DGKB: variants seen among roughly 807,000 people sequenced by gnomAD.
DGKB encodes diacylglycerol kinase beta, also known as 90 kDa diacylglycerol kinase.
A neutral mutation model predicts 114.3 loss-of-function variants in DGKB; 67 were observed. The ratio of observed to expected loss-of-function variants is 0.59; its 90% CI spans 0.48 to 0.72. The LOEUF is 0.72. Among genes scored for constraint, DGKB ranks in the 30% least tolerant of loss-of-function variants. The probability of loss-of-function intolerance (pLI) is 0.00; values close to 1 mark genes in which losing one functional copy is unlikely to be tolerated. For missense variants in DGKB, 907 were observed against 975.2 expected (o/e 0.93, Z 0.93); for synonymous variants, 398 against 323.1 (o/e 1.23, Z -2.49).
intron 23 of DGKB, among the ~76,000 whole-genome samples, chr7:14,257,706 C>G (rs963744628): frequency 1.3e-5 from 2 of 152,070 alleles, no homozygotes; most frequent in Non-Finnish European, 2.9e-5. Context: ...CCACGTGGAA[C>G]TATGAGTCTA....
intron 20 of DGKB, among the ~76,000 whole-genome samples, chr7:14,556,193 T>C (rs902181348): frequency 6.6e-6 from 1 of 152,218 alleles, no homozygotes. Flanking sequence ...TTTCCTCATA[T>C]ATGCTGAGTG....
intron 14 of DGKB, among the ~76,000 whole-genome samples, chr7:14,625,841 T>C (rs1808474512): frequency 6.6e-6 from 1 of 152,204 alleles, no homozygotes; most frequent in African/African-American, 2.4e-5. Flanking sequence ...AATACAGTTA[T>C]TGATATTTGA....
At chr7:14,954,374 A>G (rs563657060) in intron 1 of DGKB, among the ~76,000 whole-genome samples, 1 of 152,210 alleles carries the variant, frequency 6.6e-6, no homozygotes, top group East Asian at 1.9e-4. Context: ...GAGGTATGGG[A>G]TAAGACTTTA....
Position 14,940,072 on chromosome 7 carries a change from T to C in DGKB, c.-188+34624A>G, listed in dbSNP as rs547009962. 2.6e-5 allele frequency among the ~76,000 whole-genome samples: 4 copies of C among 152,308 alleles called. No individual in the cohort carries two copies. In the South Asian group the frequency reaches 6.2e-4, roughly 24 times the overall value. ...TCCCTTTAGATTGAATTTTCTCTTA[T>C]ACACAGTCTCCACACTAAGCCTCAA... is the stretch of plus-strand genomic sequence containing the variant. On this transcript the variant is annotated intron_variant, in intron 1 of 4. Coordinates refer to the DGKB transcript ENST00000437998.
At chr7:14,415,681 T>C (rs1211292047) in intron 21 of DGKB, among the ~76,000 whole-genome samples, 2 of 152,138 alleles carry the variant, frequency 1.3e-5, no homozygotes, top group African/African-American at 4.8e-5. Context: ...TATTGGACAT[T>C]TGGGTTGGTT....
chr7:14,940,157 T>C (rs991201913), intron 1 of DGKB, among the ~76,000 whole-genome samples: 1 of 152,180 alleles, frequency 6.6e-6, no homozygotes, highest in South Asian at 2.1e-4. Context: ...ATTTCAGTAC[T>C]GTGTGCCTTA....
chr7:14,705,840 A>T (rs562058882), intron 6 of DGKB, among the ~76,000 whole-genome samples: 8 of 152,192 alleles, frequency 5.3e-5, no homozygotes, highest in Non-Finnish European at 1.5e-5. Flanking sequence ...AGGAACAACC[A>T]GTACCAGCCA....
chr7:14,618,707 T>C (rs1383123827), intron 15 of DGKB, among the ~76,000 whole-genome samples: 4 of 151,538 alleles, frequency 2.6e-5, no homozygotes, highest in Non-Finnish European at 5.9e-5. Context: ...AGGTTATACA[T>C]GATCTATTAC....
At chr7:14,691,136 G>A (rs1822791239) in intron 9 of DGKB, among the ~76,000 whole-genome samples, 1 of 152,150 alleles carries the variant, frequency 6.6e-6, no homozygotes, top group Admixed American at 6.5e-5. Flanking sequence ...TGCTGTTGCT[G>A]GAGAAAAATA....
At chr7:14,390,160 G>C (rs1218339791) in intron 21 of DGKB, among the ~76,000 whole-genome samples, 5 of 152,044 alleles carry the variant, frequency 3.3e-5, no homozygotes, top group Non-Finnish European at 7.4e-5. Flanking sequence ...CATACATAAG[G>C]GTATTTGCTA....
intron 23 of DGKB, among the ~76,000 whole-genome samples, chr7:14,246,177 G>A (rs1044495982): frequency 6.6e-6 from 1 of 151,962 alleles, no homozygotes; most frequent in Non-Finnish European, 1.5e-5. Context: ...TGCTTGAATG[G>A]GTTTTCTTTA....
chr7:14,739,854 T>A (rs1398241387), intron 4 of DGKB, among the ~76,000 whole-genome samples: 1 of 152,210 alleles, frequency 6.6e-6, no homozygotes, highest in Non-Finnish European at 1.5e-5. Context: ...TCTTTTCTTT[T>A]ACAATATCAG....
chr7:14,964,539 G>T (rs908969945), intron 1 of DGKB, among the ~76,000 whole-genome samples: 15 of 152,038 alleles, frequency 9.9e-5, no homozygotes, highest in Admixed American at 5.2e-4. Context: ...TAAAACACAT[G>T]AGTATTACAG....
At chr7:14,332,818 A>C (rs984521698) in intron 23 of DGKB, among the ~76,000 whole-genome samples, 23 of 152,266 alleles carry the variant, frequency 1.5e-4, no homozygotes, top group African/African-American at 5.5e-4. Context: ...TGTGAATGAA[A>C]TCACTGAAAA....
At chr7:14,476,021 C>T (rs1205888944) in intron 21 of DGKB, among the ~76,000 whole-genome samples, 1 of 151,920 alleles carries the variant, frequency 6.6e-6, no homozygotes, top group Admixed American at 6.6e-5. Flanking sequence ...TCTATAAAGC[C>T]TTTAATGAAC....
intron 17 of DGKB, among the ~76,000 whole-genome samples, chr7:14,605,557 T>C (rs1363391866): frequency 2.6e-5 from 4 of 151,822 alleles, no homozygotes; most frequent in African/African-American, 9.7e-5. Flanking sequence ...TAATATTCAT[T>C]GTAGTGTAGA....
intron 6 of DGKB, among the ~76,000 whole-genome samples, chr7:14,703,947 C>T (rs1048245003): frequency 1.3e-5 from 2 of 152,016 alleles, no homozygotes; most frequent in Non-Finnish European, 2.9e-5. Flanking sequence ...TACAGATAAA[C>T]GTATTATTTA....
chr7:14,231,996 T>G (rs1358780523), intron 23 of DGKB, among the ~76,000 whole-genome samples: 1 of 152,056 alleles, frequency 6.6e-6, no homozygotes, highest in Non-Finnish European at 1.5e-5. Context: ...CCTCTTAGTC[T>G]TTCTGAGAAT....
At chr7:14,424,259 AT>A (rs1454023378) in intron 21 of DGKB, among the ~76,000 whole-genome samples, 1 of 150,464 alleles carries the variant, frequency 6.6e-6, no homozygotes, top group African/African-American at 2.4e-5. Context: ...TTGTTTATTT[AT>A]TTGTTTCAAT....
Sources: allele counts gnomAD v4.1 joint callset (sites outside exome capture counted in the v4.1 genomes callset), GRCh38; gene constraint gnomAD v4.1.1; transcripts MANE v1.5; gene names NCBI Gene and HGNC (gene_info 2026-07-23, HGNC 2026-07-21).